The following XPA variants were observed in gnomAD, a reference collection of about 807,000 sequenced individuals.
The protein encoded by XPA is XPA, DNA damage recognition and repair factor.
In XPA, 27 loss-of-function variants were observed where a neutral mutation model predicts 35.7. The observed-to-expected ratio is 0.76, with a 90% CI of 0.56 to 1.04. The LOEUF is 1.04. Ranked by LOEUF, XPA falls within the 50% of genes least tolerant of loss-of-function variation. XPA has a pLI of 0.00. For synonymous variants in XPA, 133 were observed against 118.4 expected (o/e 1.12, Z -0.80); for missense variants, 354 against 342.7 (o/e 1.03, Z -0.26).
In XPA at chr9:97,689,546, C is replaced by G. The variant is rs1391151865; in HGVS notation, c.377G>C (p.Cys126Ser). 1.9e-6 allele frequency: 3 copies of G among 1,609,816 alleles called. No individual in the cohort carries two copies. The highest frequency in any genetic ancestry group is 2.6e-6 in the Non-Finnish European group (3 of 1,176,464). ...YLMNHFDLPT[C>S]DNCRDADDKH... ...CTAAAATAAGTACCTGCAGTTATCACAAGTTGGCAAATCAAAGTGGTTCAT... is the reference window on the plus strand; with the variant it reads ...CTAAAATAAGTACCTGCAGTTATCAGAAGTTGGCAAATCAAAGTGGTTCAT... The change falls in exon 3 of 6, where the codon TGT becomes TCT. Residue 126 changes from cysteine (C) to serine (S), a missense_variant. Cys to Ser is a moderately radical substitution (Grantham distance 112). Coordinates refer to ENST00000375128, the MANE Select transcript of XPA (RefSeq NM_000380.4).
the XPA span, chr9:97,656,049 C>A: frequency 6.2e-7 from 1 of 1,613,878 alleles, no homozygotes; most frequent in African/African-American, 1.3e-5. Flanking sequence ...AGTCCCAAAC[C>A]GAAGTTTGTA....
intron 5 of XPA, among the ~76,000 whole-genome samples, chr9:97,678,049 A>C (rs1021002923): frequency 3.2e-4 from 49 of 152,234 alleles, no homozygotes; most frequent in African/African-American, 1.1e-3. Flanking sequence ...TTATAGACAG[A>C]GACATAGAAA....
the XPA span, among the ~76,000 whole-genome samples, chr9:97,656,320 G>A: frequency 2.6e-5 from 4 of 152,240 alleles, no homozygotes; most frequent in Non-Finnish European, 5.9e-5. Context: ...AGTGGCTCAC[G>A]CCTGTAATCC....
downstream of XPA, chr9:97,671,995 T>C (rs1367630369): frequency 6.6e-6 from 1 of 152,200 alleles, no homozygotes; most frequent in Non-Finnish European, 1.5e-5. Context: ...TTGTAGTGAG[T>C]TACAGAATAC....
the XPA span, chr9:97,660,838 T>C: frequency 3.1e-6 from 4 of 1,298,464 alleles, no homozygotes; most frequent in Admixed American, 9.8e-5. Flanking sequence ...GAGCATCCTA[T>C]TTTGAAAGGA....
intron 1 of XPA, 36 bp downstream of exon 1, chr9:97,697,085 G>A (rs1385707934): frequency 1.3e-6 from 2 of 1,511,680 alleles, no homozygotes; most frequent in Non-Finnish European, 1.8e-6. Context: ...GGGGAGGCGG[G>A]GAGAGGGAAG....
At chr9:97,662,985 A>G in the XPA span, 1 of 1,613,272 alleles carries the variant, frequency 6.2e-7, no homozygotes, top group Non-Finnish European at 8.5e-7. Flanking sequence ...CCTAGCTGAA[A>G]GTGATGAAGG....
chr9:97,694,494 G>T (rs1828985550), intron 1 of XPA, among the ~76,000 whole-genome samples: 1 of 152,080 alleles, frequency 6.6e-6, no homozygotes, highest in African/African-American at 2.4e-5. Flanking sequence ...TATCCAAACG[G>T]CCAAAAAGCA....
At chr9:97,690,541 C>T (rs373891198) in intron 2 of XPA, among the ~76,000 whole-genome samples, 6 of 152,296 alleles carry the variant, frequency 3.9e-5, no homozygotes, top group Middle Eastern at 3.4e-3. Flanking sequence ...GCACGCACCA[C>T]CATGCCCAGT....
intron 1 of XPA, 72 bp downstream of exon 1, chr9:97,697,049 G>T: frequency 1.4e-6 from 2 of 1,464,606 alleles, no homozygotes; most frequent in South Asian, 2.8e-5. Flanking sequence ...CCCGGGACTC[G>T]GCTTGCACGA....
At chr9:97,681,218 A>C (rs967021451) in intron 5 of XPA, among the ~76,000 whole-genome samples, 3 of 152,202 alleles carry the variant, frequency 2.0e-5, no homozygotes, top group African/African-American at 4.8e-5. Flanking sequence ...AAAGACAACT[A>C]GCTGCGAGAG....
At chr9:97,696,169 C>G (rs1320578117) in intron 1 of XPA, among the ~76,000 whole-genome samples, 2 of 152,216 alleles carry the variant, frequency 1.3e-5, no homozygotes. Context: ...GCCTCAGACT[C>G]TTCTCACTCT....
In XPA at chr9:97,691,886, A is replaced by T. The variant is rs569155533; in HGVS notation, c.283+1763T>A. ...GACAGAGCAAGGCTCTTTCTAAATA[A>T]ATATATATATATATATATATATATA... is the stretch of plus-strand genomic sequence containing the variant. On this transcript the variant is annotated intron_variant, in intron 2 of 5. Transcript: ENST00000375128. 2.9e-3 allele frequency among the ~76,000 whole-genome samples: 361 copies of T among 124,690 alleles called. 1 individual carries two copies. The highest frequency in any genetic ancestry group is 3.3e-3 in the Non-Finnish European group (209 of 63,466). 81.8% of individuals were successfully genotyped at this position (124,690 alleles called of 152,430 possible).
intron 5 of XPA, among the ~76,000 whole-genome samples, chr9:97,676,755 T>C (rs977924393): frequency 2.0e-5 from 3 of 152,168 alleles, no homozygotes; most frequent in African/African-American, 7.2e-5. Context: ...TATAAGTTGC[T>C]CAAGGTTATA....
chr9:97,662,210 G>A, the XPA span: 2 of 1,165,504 alleles, frequency 1.7e-6, no homozygotes, highest in Admixed American at 3.5e-5. Flanking sequence ...CAGTGGTATG[G>A]TAATTTTTAC....
At chr9:97,682,633 C>T (rs3176708) in intron 5 of XPA, among the ~76,000 whole-genome samples, 3 of 152,014 alleles carry the variant, frequency 2.0e-5, no homozygotes, top group African/African-American at 7.3e-5. Flanking sequence ...CAAAAGACAT[C>T]CTTCATTCAA....
the XPA span, among the ~76,000 whole-genome samples, chr9:97,660,228 T>TTCCAGTAACTCATAC: frequency 2.6e-5 from 4 of 152,330 alleles, no homozygotes; most frequent in South Asian, 8.3e-4. Context: ...ACTTTATTCA[T>TTCCAGTAACTCATAC]TCCAGTAACT....
chr9:97,691,888 T>TAC (rs1437063647), intron 2 of XPA, among the ~76,000 whole-genome samples: 1 of 17,040 alleles, frequency 5.9e-5, no homozygotes, highest in Non-Finnish European at 1.2e-4. Context: ...TCTAAATAAA[T>TAC]ATATATATAT....
the XPA span, among the ~76,000 whole-genome samples, chr9:97,669,438 C>T: frequency 0.12 from 17,970 of 152,120 alleles, 3,012 homozygotes; most frequent in African/African-American, 0.37. Context: ...CCAGTCTGCC[C>T]TTCTAGGTTG....
Sources: gnomAD v4.1 joint callset for allele counts (sites outside exome capture counted in the v4.1 genomes callset) on GRCh38, gnomAD v4.1.1 for gene constraint, MANE v1.5 for transcripts, NCBI Gene and HGNC (gene_info 2026-07-23, HGNC 2026-07-21) for gene names.